Variants in NUP205 observed in about 807,000 individuals in gnomAD.
NUP205 encodes nucleoporin 205.
In NUP205, 76 loss-of-function variants were observed where a neutral mutation model predicts 253.8. The observed-to-expected ratio is 0.30, with a 90% confidence interval of 0.25 to 0.36. The LOEUF is 0.36. NUP205 is among the 10% of genes least tolerant of loss of function. NUP205 has a pLI of 1.00. For missense variants in NUP205, 2,162 were observed against 2,425.5 expected, an observed-to-expected ratio of 0.89 and a Z score of 2.28; for synonymous variants, 832 against 850.1, an observed-to-expected ratio of 0.98 and a Z score of 0.37.
chr7:135,628,513 A>T (rs987223773), intron 34 of NUP205, among the ~76,000 whole-genome samples: 1 of 152,224 alleles, frequency 6.6e-6, no homozygotes. Flanking sequence ...CGGGAGACTG[A>T]CAGATGATAA....
Position 135,617,656 on chromosome 7 carries a change from A to G in NUP205, c.3745A>G (p.Ile1249Val), listed in dbSNP as rs750145282. ...EVNALQGMAA[I>V]GQRPLLMEEI... Reference sequence around the variant, plus strand: ...AAATGCCCTTCAGGGTATGGCAGCCATAGGACAGAGACCTCTACTAATGGA... The same window carrying G: ...AAATGCCCTTCAGGGTATGGCAGCCGTAGGACAGAGACCTCTACTAATGGA... The change falls in exon 27 of 43, where the codon ATA becomes GTA. Residue 1249 changes from isoleucine to valine, a missense_variant. This residue lies in a region of NUP205 where 1,144 missense variants were observed against 1,280.9 expected (regional missense o/e 0.89). Coordinates refer to ENST00000285968, the MANE Select transcript of NUP205 (RefSeq NM_015135.3). 4.9e-5 allele frequency: 79 copies of G among 1,611,962 alleles called. No homozygotes were observed. The highest frequency in any genetic ancestry group is 6.4e-5 in the Non-Finnish European group (76 of 1,178,360).
rs1434065283 is a variant in NUP205 at position 135,602,868 on chromosome 7, A to C, written c.2576A>C (p.Lys859Thr). The change falls in exon 18 of 43, where the codon AAG becomes ACG. Residue 859 changes from lysine to threonine, a missense_variant. Transcript: ENST00000285968. ...CLALLNLTLQ[K>T]ENLFMDLLRE... Reference sequence around the variant, plus strand: ...GCACTTCTCAATCTTACTCTGCAAAAGGAAAATCTTTTTATGGACCTTCTA... The same window carrying C: ...GCACTTCTCAATCTTACTCTGCAAACGGAAAATCTTTTTATGGACCTTCTA... 3 of 1,613,960 alleles carry C rather than the reference A, an allele frequency of 1.9e-6. No individual in the cohort carries two copies. In the African/African-American group the frequency reaches 4.0e-5, roughly 22 times the overall value.
intron 19 of NUP205, among the ~76,000 whole-genome samples, 195 bp downstream of exon 19, chr7:135,604,655 A>T (rs1009837488): frequency 1.3e-5 from 2 of 152,194 alleles, no homozygotes; most frequent in African/African-American, 4.8e-5. Flanking sequence ...AATGCTATTC[A>T]CAGTGATACT....
At chr7:135,590,147 T>G (rs937457343) in intron 10 of NUP205, among the ~76,000 whole-genome samples, 2 of 151,196 alleles carry the variant, frequency 1.3e-5, no homozygotes, top group Admixed American at 1.3e-4. Flanking sequence ...AGTCCCACTT[T>G]GTCACCCAAG....
chr7:135,579,484 C>G (rs1482136266), intron 7 of NUP205, among the ~76,000 whole-genome samples: 2 of 151,946 alleles, frequency 1.3e-5, no homozygotes, highest in African/African-American at 2.4e-5. Flanking sequence ...CGTGAGCCAC[C>G]CCGTCCGGCC....
At chr7:135,592,282 A>G (rs576222153) in intron 11 of NUP205, among the ~76,000 whole-genome samples, 2 of 152,322 alleles carry the variant, frequency 1.3e-5, no homozygotes, top group South Asian at 2.1e-4. Flanking sequence ...GTAATTCCCA[A>G]ATTAAGACTG....
chr7:135,635,696 C>A, intron 36 of NUP205, 39 bp downstream of exon 36: 3 of 1,237,196 alleles, frequency 2.4e-6, no homozygotes, highest in East Asian at 2.4e-5. Context: ...AGTTATAAGA[C>A]ATGTTACAAA....
At position 135,606,927 on chromosome 7, in the gene NUP205, G is replaced by A; in HGVS notation, c.3070+12G>A. On this transcript the variant is annotated intron_variant, in intron 21 of 42. Coordinates refer to ENST00000285968, the MANE Select transcript of NUP205 (RefSeq NM_015135.3). ...CCTACAAGATCCAGGTATAGCCTAA[G>A]ACATAAAGGCATTTCTTTCCTTCCA... 1 of 1,609,632 alleles carries A rather than the reference G, an allele frequency of 6.2e-7. No homozygotes were observed. Among genetic ancestry groups the A allele is most frequent in the African/African-American group, 1.3e-5 (1 of 74,912 alleles).
chr7:135,562,353 A>T (rs1287211591), intron 1 of NUP205, among the ~76,000 whole-genome samples: 1 of 151,514 alleles, frequency 6.6e-6, no homozygotes, highest in Non-Finnish European at 1.5e-5. Context: ...GCCCACCACC[A>T]CACCTGGCTA....
Position 135,603,003 on chromosome 7 carries a change from C to A in NUP205, c.2702+9C>A. 1 of 1,596,078 alleles carries A rather than the reference C, an allele frequency of 6.3e-7. No homozygotes were observed. The highest frequency in any genetic ancestry group is 8.6e-7 in the Non-Finnish European group (1 of 1,166,982). ...GTGGTAAACATTGCCAGGTAAGTTA[C>A]CTTTGTAGGTAGAGAAATGAAGTAA... On this transcript the variant is annotated intron_variant, in intron 18 of 42. Coordinates refer to ENST00000285968, the MANE Select transcript of NUP205 (RefSeq NM_015135.3).
intron 1 of NUP205, among the ~76,000 whole-genome samples, chr7:135,568,478 T>C (rs368104065): frequency 8.7e-4 from 132 of 151,672 alleles, no homozygotes; most frequent in African/African-American, 2.9e-3. Context: ...ATTACAGGTG[T>C]GCGCCACCAC....
intron 1 of NUP205, among the ~76,000 whole-genome samples, chr7:135,565,423 G>A (rs745590078): frequency 1.3e-5 from 2 of 150,790 alleles, no homozygotes; most frequent in Non-Finnish European, 3.0e-5. Flanking sequence ...CCTAGTTTAG[G>A]TTCCATTTTC....
At position 135,638,676 on chromosome 7, in the gene NUP205, G is replaced by A. The variant is rs61732900; in HGVS notation, c.5385G>A (p.Pro1795=). The change falls in exon 38 of 43, where the codon CCG becomes CCA. Residue 1795 remains proline (P), a synonymous_variant. Transcript: ENST00000285968. ...SLSETVNRDG[P]RQDTQAPVVP... is the part of the protein sequence containing the mutation. ...CAGAAACAGTTAATAGAGATGGACC[G>A]CGGCAAGGTGAGCTTAGTTTTTCAT... The A allele has an allele frequency of 6.9e-4, 1,118 of 1,614,086 alleles. 4 individuals are homozygous for A. In the African/African-American group the frequency reaches 0.013, roughly 19 times the overall value.
intron 23 of NUP205, 46 bp from the exon 24 acceptor site, chr7:135,615,870 C>G: frequency 7.3e-7 from 1 of 1,372,262 alleles, no homozygotes; most frequent in Middle Eastern, 2.0e-4. Context: ...TGTTTTGATA[C>G]TGTGTTATTA....
At position 135,607,152 on chromosome 7, in the gene NUP205, A is replaced by G. The variant is rs560958448; in HGVS notation, c.3071-95A>G. The G allele has an allele frequency of 8.6e-4, 1,248 of 1,445,958 alleles. 27 individuals are homozygous for G. In the South Asian group the frequency reaches 0.016, roughly 18 times the overall value. The allele number at this position is 1,445,958 out of a possible 1,614,324, so 89.6% of individuals were successfully genotyped here. On this transcript the variant is annotated intron_variant, in intron 21 of 42. Coordinates refer to ENST00000285968, the MANE Select transcript of NUP205 (RefSeq NM_015135.3). The stretch of plus-strand genomic sequence containing the variant: ...TTTGAAAGAGTGTTTACAGTACAGC[A>G]TATATTTAAAGAATTTAACTTTTGA...
At position 135,566,721 on chromosome 7, in the gene NUP205, G is replaced by T. The variant is rs561477423; in HGVS notation, c.29-4384G>T. Among the ~76,000 whole-genome samples, 6 of 151,940 alleles carry T rather than the reference G, an allele frequency of 3.9e-5. No individual in the cohort carries two copies. In the East Asian group the frequency reaches 1.2e-3, roughly 30 times the overall value. On this transcript the variant is annotated intron_variant, in intron 1 of 42. Coordinates refer to ENST00000285968, the MANE Select transcript of NUP205 (RefSeq NM_015135.3). The stretch of plus-strand genomic sequence containing the variant: ...TATCTTTTATTATACTGATATCTTT[G>T]GAATTATTTGTTTTTTCGTTTTGTT...
At chr7:135,633,203 TTCC>T (rs1253342582) in intron 35 of NUP205, among the ~76,000 whole-genome samples, 1 of 151,384 alleles carries the variant, frequency 6.6e-6, no homozygotes, top group Non-Finnish European at 1.5e-5. Context: ...GCCTCAAGCA[TTCC>T]TCCCACCTCA....
Position 135,577,938 on chromosome 7 carries a change from T to C in NUP205, c.791T>C (p.Leu264Pro), listed in dbSNP as rs1806195652. 6.2e-7 allele frequency: 1 copy of C among 1,614,028 alleles called. No individual in the cohort carries two copies. The highest frequency in any genetic ancestry group is 1.3e-5 in the African/African-American group (1 of 74,942). Residue 264 changes from leucine (L) to proline (P), a missense_variant, in exon 6 of 43, where the codon CTG (leucine) becomes CCG (proline). Physicochemically the swap from Leu to Pro is moderately conservative, Grantham distance 98 (BLOSUM62 -3). Coordinates refer to ENST00000285968, the MANE Select transcript of NUP205 (RefSeq NM_015135.3). ...ERVTVEANGS[L>P]DAVNLALLMA... ...GTGACAGTTGAGGCTAATGGCTCAC[T>C]GGATGCAGTGAATCTGGCTCTTCTT...
chr7:135,609,629 C>T (rs1312391253), intron 22 of NUP205, among the ~76,000 whole-genome samples: 1 of 151,324 alleles, frequency 6.6e-6, no homozygotes, highest in Non-Finnish European at 1.5e-5. Flanking sequence ...GCCTGGGCAA[C>T]AGAGCGAGAC....
Sources: gnomAD v4.1 joint callset for allele counts (sites outside exome capture counted in the v4.1 genomes callset) on GRCh38, gnomAD v4.1.1 for gene constraint, gnomAD v4.1.1 regional missense constraint, MANE v1.5 for transcripts, NCBI Gene and HGNC (gene_info 2026-07-23, HGNC 2026-07-21) for gene names.